SHISA9: variants seen among roughly 807,000 people sequenced by gnomAD.
SHISA9 encodes the protein protein shisa-9.
A neutral mutation model predicts 38.0 loss-of-function variants in SHISA9; 13 were observed. The ratio of observed to expected loss-of-function variants is 0.34; its 90% CI spans 0.22 to 0.54. The LOEUF (loss-of-function observed/expected upper bound fraction) is 0.54, where lower values mean the gene tolerates loss of function less well. SHISA9 is among the 20% of genes least tolerant of loss of function. The pLI, the probability that SHISA9 is intolerant of heterozygous loss-of-function variation, is 0.91. For synonymous variants in SHISA9, 275 were observed against 242.0 expected, an observed-to-expected ratio of 1.14 and a Z score of -1.27; for missense variants, 538 against 575.8, an observed-to-expected ratio of 0.93 and a Z score of 0.67.
At chr16:12,970,372 T>TATATGTATATATATACAC (rs1567356918) in intron 2 of SHISA9, among the ~76,000 whole-genome samples, 16 of 71,602 alleles carry the variant, frequency 2.2e-4, no homozygotes, top group Non-Finnish European at 4.3e-4. Flanking sequence ...TATATATACA[T>TATATGTATATATATACAC]ATATATATAC....
At chr16:13,055,920 T>G (rs552021611) in intron 2 of SHISA9, among the ~76,000 whole-genome samples, 102 of 152,352 alleles carry the variant, frequency 6.7e-4, no homozygotes, top group Non-Finnish European at 1.3e-3. Flanking sequence ...TGCTGAGTGA[T>G]GCCCACAGGG....
At chr16:12,922,647 G>A (rs1177034816) in intron 2 of SHISA9, among the ~76,000 whole-genome samples, 1 of 152,220 alleles carries the variant, frequency 6.6e-6, no homozygotes, top group African/African-American at 2.4e-5. Context: ...AGCCTCCTGA[G>A]TAGCTGGGAT....
chr16:12,971,881 T>G (rs1209481008), intron 2 of SHISA9, among the ~76,000 whole-genome samples: 2 of 152,210 alleles, frequency 1.3e-5, no homozygotes, highest in Non-Finnish European at 2.9e-5. Flanking sequence ...TTTAGCTTTC[T>G]CTTTAGAGAA....
the SHISA9 span, among the ~76,000 whole-genome samples, chr16:13,353,001 G>C: frequency 1.3e-5 from 2 of 152,148 alleles, no homozygotes; most frequent in African/African-American, 4.8e-5. Context: ...TGAGCCTTGG[G>C]CTCAGAGGCC....
At chr16:13,094,362 C>T (rs1015689696) in intron 2 of SHISA9, among the ~76,000 whole-genome samples, 1 of 152,072 alleles carries the variant, frequency 6.6e-6, no homozygotes, top group African/African-American at 2.4e-5. Flanking sequence ...TATACTCATT[C>T]TTATAAAATC....
chr16:13,296,847 T>C, the SHISA9 span, among the ~76,000 whole-genome samples: 11 of 119,358 alleles, frequency 9.2e-5, no homozygotes, highest in African/African-American at 3.7e-4. Flanking sequence ...GCTGAGAGCA[T>C]GCCCTTGCAC....
chr16:13,473,206 G>C, the SHISA9 span, among the ~76,000 whole-genome samples: 1 of 152,190 alleles, frequency 6.6e-6, no homozygotes, highest in African/African-American at 2.4e-5. Context: ...GACTAGAACA[G>C]TGCTCAGTCT....
intron 2 of SHISA9, among the ~76,000 whole-genome samples, chr16:13,202,981 T>C (rs1330988519): frequency 1.3e-5 from 2 of 152,212 alleles, no homozygotes; most frequent in African/African-American, 4.8e-5. Flanking sequence ...CCAGTACTCA[T>C]GTCCTTCAAT....
chr16:13,196,469 CAA>C (rs2050944405), intron 2 of SHISA9, among the ~76,000 whole-genome samples: 1 of 151,354 alleles, frequency 6.6e-6, no homozygotes, highest in Admixed American at 6.6e-5. Context: ...TCAAAACTGT[CAA>C]AGTCATCAAA....
the SHISA9 span, among the ~76,000 whole-genome samples, chr16:13,356,363 C>T: frequency 6.6e-6 from 1 of 152,062 alleles, no homozygotes; most frequent in Non-Finnish European, 1.5e-5. Flanking sequence ...ATGAACTGGG[C>T]TGGATTTTTA....
intron 3 of SHISA9, among the ~76,000 whole-genome samples, chr16:13,211,955 C>T (rs943159054): frequency 3.9e-5 from 6 of 152,130 alleles, no homozygotes; most frequent in South Asian, 2.1e-4. Flanking sequence ...TGGGTGGGCC[C>T]GACTCAGTTT....
chr16:13,296,981 C>T, the SHISA9 span, among the ~76,000 whole-genome samples: 876 of 149,272 alleles, frequency 5.9e-3, 7 homozygotes, highest in African/African-American at 0.02. Flanking sequence ...AAGAGAATAA[C>T]CATTCATATT....
At chr16:13,096,337 G>A (rs1438825088) in intron 2 of SHISA9, among the ~76,000 whole-genome samples, 1 of 152,168 alleles carries the variant, frequency 6.6e-6, no homozygotes, top group Non-Finnish European at 1.5e-5. Context: ...GACACAGAAT[G>A]CAGAGACAAA....
At chr16:13,163,127 C>G (rs2050609609) in intron 2 of SHISA9, among the ~76,000 whole-genome samples, 1 of 152,248 alleles carries the variant, frequency 6.6e-6, no homozygotes, top group Admixed American at 6.5e-5. Flanking sequence ...TTACCTGAGT[C>G]TCAGTTTCTT....
At chr16:12,969,706 C>G (rs1275996036) in intron 2 of SHISA9, among the ~76,000 whole-genome samples, 2 of 152,140 alleles carry the variant, frequency 1.3e-5, no homozygotes, top group African/African-American at 4.8e-5. Context: ...GAGAGCGTGC[C>G]ATTGCACTCT....
intron 2 of SHISA9, among the ~76,000 whole-genome samples, chr16:12,927,245 T>C (rs772607743): frequency 6.6e-6 from 1 of 152,250 alleles, no homozygotes; most frequent in South Asian, 2.1e-4. Flanking sequence ...AAGGAAATCC[T>C]GTTACATTAG....
chr16:13,305,622 C>G, the SHISA9 span, among the ~76,000 whole-genome samples: 73 of 152,286 alleles, frequency 4.8e-4, no homozygotes, highest in African/African-American at 1.7e-3. Context: ...CAGTGAGAAA[C>G]TGCTGTGCCC....
chr16:13,019,941 TTCTTTC>T (rs2072825516), intron 2 of SHISA9, among the ~76,000 whole-genome samples: 2 of 82,144 alleles, frequency 2.4e-5, no homozygotes, highest in Non-Finnish European at 5.8e-5. Flanking sequence ...CTTTCTTTCT[TTCTTTC>T]TTTCTTTCTT....
intron 4 of SHISA9, among the ~76,000 whole-genome samples, chr16:13,224,455 C>G (rs1054828726): frequency 1.3e-5 from 2 of 152,170 alleles, no homozygotes; most frequent in Admixed American, 1.3e-4. Flanking sequence ...ACTGAATGAC[C>G]AGGAGATGTA....
Sources: gnomAD v4.1 joint callset for allele counts (sites outside exome capture counted in the v4.1 genomes callset) on GRCh38, gnomAD v4.1.1 for gene constraint, MANE v1.5 for transcripts, NCBI Gene and HGNC (gene_info 2026-07-23, HGNC 2026-07-21) for gene names.